Variants in GRIP1 observed in about 807,000 individuals in gnomAD.
GRIP1 encodes glutamate receptor interacting protein 1.
Under a neutral mutation model 129.9 loss-of-function variants are expected in GRIP1, and 45 were observed. That is an observed-to-expected ratio of 0.35 (90% CI 0.27 to 0.44). The LOEUF (loss-of-function observed/expected upper bound fraction) is 0.44, where lower values mean the gene tolerates loss of function less well. Ranked by LOEUF, GRIP1 falls within the 20% of genes least tolerant of loss-of-function variation. The pLI, the probability that GRIP1 is intolerant of heterozygous loss-of-function variation, is 1.00. For missense variants in GRIP1, 1,196 were observed against 1,396.8 expected, an observed-to-expected ratio of 0.86 and a Z score of 2.29; for synonymous variants, 530 against 520.8, an observed-to-expected ratio of 1.02 and a Z score of -0.24.
At chr12:66,714,105 C>T (rs2136412137) in intron 1 of GRIP1, among the ~76,000 whole-genome samples, 1 of 152,118 alleles carries the variant, frequency 6.6e-6, no homozygotes, top group Non-Finnish European at 1.5e-5. Flanking sequence ...TTTGTAATTT[C>T]TAAGTCCACA....
chr12:66,658,474 A>G (rs1194623068), intron 1 of GRIP1, among the ~76,000 whole-genome samples: 1 of 152,056 alleles, frequency 6.6e-6, no homozygotes, highest in Non-Finnish European at 1.5e-5. Flanking sequence ...AAAATCCTTC[A>G]TCTAGCTGGG....
chr12:66,901,837 T>A (rs185191020), intron 1 of GRIP1, among the ~76,000 whole-genome samples: 14 of 152,342 alleles, frequency 9.2e-5, no homozygotes, highest in African/African-American at 3.4e-4. Context: ...ACTGCCATAA[T>A]GAACTAAAGT....
At chr12:66,820,503 G>A (rs941447152) in intron 1 of GRIP1, among the ~76,000 whole-genome samples, 3 of 151,982 alleles carry the variant, frequency 2.0e-5, no homozygotes, top group Non-Finnish European at 4.4e-5. Flanking sequence ...CATGCTCATT[G>A]GTATTTACCT....
chr12:66,559,921 C>T (rs543994788), intron 2 of GRIP1, among the ~76,000 whole-genome samples: 101 of 152,124 alleles, frequency 6.6e-4, no homozygotes, highest in African/African-American at 2.3e-3. Flanking sequence ...TCAAAATATA[C>T]TACAGTTCTA....
intron 7 of GRIP1, among the ~76,000 whole-genome samples, chr12:66,498,185 C>A (rs1565801579): frequency 6.6e-6 from 1 of 152,176 alleles, no homozygotes; most frequent in Non-Finnish European, 1.5e-5. Flanking sequence ...ATGTTGCTCA[C>A]ACAAAGCCTG....
At chr12:66,351,555 G>GTTTTTTTTTTTTTTTTTTTTTTTT (rs1565655525) in intron 24 of GRIP1, among the ~76,000 whole-genome samples, 1 of 143,520 alleles carries the variant, frequency 7.0e-6, no homozygotes, top group African/African-American at 2.7e-5. Context: ...ACAGGAAGGT[G>GTTTTTTTTTTTTTTTTTTTTTTTT]GTTTTTTTTT....
chr12:67,025,518 T>G (rs534454612), intron 1 of GRIP1, among the ~76,000 whole-genome samples: 39 of 152,366 alleles, frequency 2.6e-4, no homozygotes, highest in Non-Finnish European at 4.7e-4. Context: ...AAGCTTACAC[T>G]TTGGCCTTCT....
chr12:66,493,594 C>T (rs1026038673), intron 7 of GRIP1, among the ~76,000 whole-genome samples: 9 of 134,588 alleles, frequency 6.7e-5, no homozygotes, highest in Non-Finnish European at 4.7e-5. Flanking sequence ...TGTAAAAGAC[C>T]AAGGTAGAAA....
chr12:66,993,444 C>T (rs181373446), intron 1 of GRIP1, among the ~76,000 whole-genome samples: 139 of 151,506 alleles, frequency 9.2e-4, no homozygotes, highest in African/African-American at 3.0e-3. Context: ...ACAAAATTTA[C>T]GAACTTTAGG....
At chr12:66,781,524 C>T (rs1205325495) in intron 1 of GRIP1, among the ~76,000 whole-genome samples, 1 of 152,150 alleles carries the variant, frequency 6.6e-6, no homozygotes, top group African/African-American at 2.4e-5. Context: ...AAAGTATACA[C>T]AATGTTTTCT....
At chr12:66,685,179 G>A (rs939757324) in intron 1 of GRIP1, among the ~76,000 whole-genome samples, 6 of 152,182 alleles carry the variant, frequency 3.9e-5, no homozygotes, top group South Asian at 2.1e-4. Flanking sequence ...TGAGGTTCTG[G>A]GCCCCACACA....
intron 1 of GRIP1, among the ~76,000 whole-genome samples, chr12:66,815,854 T>TCCCTC (rs374620257): frequency 8.6e-6 from 1 of 116,760 alleles, no homozygotes; most frequent in Non-Finnish European, 1.7e-5. Context: ...CTTTCTTTCT[T>TCCCTC]TCTCTCTCTC....
At chr12:66,359,904 C>G (rs891937495) in intron 23 of GRIP1, among the ~76,000 whole-genome samples, 3 of 152,202 alleles carry the variant, frequency 2.0e-5, no homozygotes, top group Non-Finnish European at 4.4e-5. Flanking sequence ...CTTGGATTTA[C>G]TTCCTGTGCA....
intron 1 of GRIP1, among the ~76,000 whole-genome samples, chr12:66,642,895 T>C (rs1210646789): frequency 6.6e-6 from 1 of 152,184 alleles, no homozygotes; most frequent in Non-Finnish European, 1.5e-5. Context: ...ATATGAGAAC[T>C]CAGGTTATTA....
chr12:66,814,873 G>T lies in GRIP1; in HGVS notation c.59-217946C>A, dbSNP rs375875455. Reference sequence around the variant, plus strand: ...CACAGGGCAGCAGGATGGAGTGAGTGTAACCAGGGGAAATGCCAGACACTT... The same window carrying T: ...CACAGGGCAGCAGGATGGAGTGAGTTTAACCAGGGGAAATGCCAGACACTT... On this transcript the variant is annotated intron_variant, in intron 1 of 1. Coordinates refer to the GRIP1 transcript ENST00000643019. Among the ~76,000 whole-genome samples, 19 of 152,172 alleles carry T rather than the reference G, an allele frequency of 1.2e-4. 1 individual carries two copies. The highest frequency in any genetic ancestry group is 4.3e-4 in the African/African-American group (18 of 41,518).
chr12:66,590,466 C>A (rs2063811646), intron 2 of GRIP1, among the ~76,000 whole-genome samples: 1 of 152,134 alleles, frequency 6.6e-6, no homozygotes, highest in Non-Finnish European at 1.5e-5. Context: ...GTACTCCCAG[C>A]CACATAGCAA....
chr12:66,538,880 G>T (rs947017569), intron 4 of GRIP1, among the ~76,000 whole-genome samples, 198 bp downstream of exon 4: 7 of 152,184 alleles, frequency 4.6e-5, no homozygotes, highest in Admixed American at 1.3e-4. Flanking sequence ...TAGGATTATA[G>T]ACGTGAGCCA....
At chr12:66,405,763 A>G (rs1361941610) in intron 16 of GRIP1, among the ~76,000 whole-genome samples, 1 of 152,242 alleles carries the variant, frequency 6.6e-6, no homozygotes, top group East Asian at 1.9e-4. Context: ...GGATAAAGAT[A>G]TCTATGCATA....
chr12:66,682,649 A>G (rs1274617273), upstream of GRIP1, among the ~76,000 whole-genome samples: 1 of 152,092 alleles, frequency 6.6e-6, no homozygotes, highest in Non-Finnish European at 1.5e-5. Context: ...TTTATATAAC[A>G]TCTCCATCCC....
Sources: allele counts gnomAD v4.1 joint callset (sites outside exome capture counted in the v4.1 genomes callset), GRCh38; gene constraint gnomAD v4.1.1; transcripts MANE v1.5; gene names NCBI Gene and HGNC (gene_info 2026-07-23, HGNC 2026-07-21).